Variants in PDE3A observed in about 807,000 individuals in gnomAD.
PDE3A encodes the protein phosphodiesterase 3A, also known as cGMP-inhibited 3',5'-cyclic phosphodiesterase 3A.
A neutral mutation model predicts 98.3 loss-of-function variants in PDE3A; 43 were observed. The observed-to-expected ratio is 0.44, with a 90% CI of 0.34 to 0.56. The LOEUF is 0.56. PDE3A is among the 20% of genes least tolerant of loss of function. PDE3A has a pLI of 0.01. For missense variants in PDE3A, 1,427 were observed against 1,440.7 expected (o/e 0.99, Z 0.15); for synonymous variants, 663 against 567.9 (o/e 1.17, Z -2.38).
chr12:20,512,483 T>C (rs1946245357), intron 1 of PDE3A, among the ~76,000 whole-genome samples: 1 of 152,120 alleles, frequency 6.6e-6, no homozygotes, highest in Non-Finnish European at 1.5e-5. Context: ...GCTGATGGAG[T>C]AATATCTACT....
chr12:20,558,359 A>G (rs1443078719), intron 2 of PDE3A, among the ~76,000 whole-genome samples: 2 of 152,138 alleles, frequency 1.3e-5, no homozygotes, highest in African/African-American at 2.4e-5. Context: ...AAATTTGATT[A>G]TATTTGAAAG....
intron 1 of PDE3A, among the ~76,000 whole-genome samples, chr12:20,437,564 G>A (rs1009226975): frequency 2.0e-4 from 30 of 152,150 alleles, no homozygotes; most frequent in African/African-American, 6.5e-4. Flanking sequence ...AGGGAAGCAG[G>A]AGCAGGTGTG....
At chr12:20,651,343 C>G (rs961825946) in intron 14 of PDE3A, among the ~76,000 whole-genome samples, 1 of 151,834 alleles carries the variant, frequency 6.6e-6, no homozygotes, top group African/African-American at 2.4e-5. Context: ...GCATAAAGGA[C>G]AGGAATAAGT....
intron 14 of PDE3A, among the ~76,000 whole-genome samples, chr12:20,652,683 G>A (rs1350911337): frequency 6.6e-6 from 1 of 152,064 alleles, no homozygotes. Context: ...TTTGTCAGAT[G>A]AGTAGGTTGC....
intron 2 of PDE3A, among the ~76,000 whole-genome samples, chr12:20,588,043 T>G (rs919158348): frequency 6.6e-6 from 1 of 152,216 alleles, no homozygotes; most frequent in African/African-American, 2.4e-5. Context: ...GCTACTTTGC[T>G]CCTTTCCTTC....
chr12:20,412,109 C>T (rs1018401021), intron 1 of PDE3A, among the ~76,000 whole-genome samples: 5 of 152,076 alleles, frequency 3.3e-5, no homozygotes, highest in African/African-American at 1.2e-4. Context: ...CTTAGTTACA[C>T]GTGTAATTTT....
At chr12:20,616,111 T>G (rs2121463842) in intron 3 of PDE3A, 119 bp from the exon 4 acceptor site, 1 of 873,420 alleles carries the variant, frequency 1.1e-6, no homozygotes, top group South Asian at 2.1e-5. Flanking sequence ...TAGGTGATAT[T>G]AAACCAATGT....
At chr12:20,379,578 C>T (rs1001253105) in intron 1 of PDE3A, among the ~76,000 whole-genome samples, 3 of 151,660 alleles carry the variant, frequency 2.0e-5, no homozygotes, top group Middle Eastern at 3.2e-3. Flanking sequence ...AATTCTGGCC[C>T]AGTGTCTTGC....
At chr12:20,530,453 A>G (rs1241910303) in intron 1 of PDE3A, among the ~76,000 whole-genome samples, 1 of 151,792 alleles carries the variant, frequency 6.6e-6, no homozygotes, top group African/African-American at 2.4e-5. Flanking sequence ...AGAATTGACT[A>G]TGAGTCTGTG....
chr12:20,456,240 G>A (rs1393970886), intron 1 of PDE3A, among the ~76,000 whole-genome samples: 1 of 152,092 alleles, frequency 6.6e-6, no homozygotes, highest in Non-Finnish European at 1.5e-5. Flanking sequence ...ACAGGAACAA[G>A]TCAGATAGCT....
At chr12:20,392,518 AATAAATAAATAAATAC>A (rs768764065) in intron 1 of PDE3A, among the ~76,000 whole-genome samples, 929 of 73,936 alleles carry the variant, frequency 0.013, 21 homozygotes, top group Middle Eastern at 0.027. Flanking sequence ...TAAATAAATA[AATAAATAAATAAATAC>A]ATAAATAAAT....
intron 1 of PDE3A, among the ~76,000 whole-genome samples, chr12:20,404,376 G>A (rs1267044619): frequency 6.6e-6 from 1 of 151,918 alleles, no homozygotes; most frequent in African/African-American, 2.4e-5. Context: ...ATTGGGTCCT[G>A]GACTTAATAA....
At chr12:20,544,580 G>A (rs548510480) in intron 1 of PDE3A, among the ~76,000 whole-genome samples, 4 of 151,912 alleles carry the variant, frequency 2.6e-5, no homozygotes, top group African/African-American at 9.6e-5. Context: ...ACTTCAGTAC[G>A]AAGGACCTGA....
intron 1 of PDE3A, among the ~76,000 whole-genome samples, chr12:20,507,798 C>T (rs1402422922): frequency 2.0e-5 from 3 of 152,244 alleles, no homozygotes; most frequent in South Asian, 2.1e-4. Context: ...TTCTCACCAT[C>T]TCTGCTGCTA....
At chr12:20,472,369 G>A (rs1267778570) in intron 1 of PDE3A, among the ~76,000 whole-genome samples, 1 of 152,160 alleles carries the variant, frequency 6.6e-6, no homozygotes, top group Non-Finnish European at 1.5e-5. Context: ...ATTTTATGGA[G>A]AGTTAGCTTT....
intron 13 of PDE3A, among the ~76,000 whole-genome samples, chr12:20,649,097 T>C (rs1349667065): frequency 8.7e-6 from 1 of 114,404 alleles, no homozygotes; most frequent in East Asian, 2.9e-4. Flanking sequence ...GCCTAATTTT[T>C]GTATTTTTTT....
intron 1 of PDE3A, among the ~76,000 whole-genome samples, chr12:20,535,480 A>G (rs1282674717): frequency 6.6e-6 from 1 of 152,190 alleles, no homozygotes; most frequent in Non-Finnish European, 1.5e-5. Context: ...TCCACGGAGT[A>G]AAAGCACTCT....
chr12:20,618,063 G>A (rs902366054), intron 4 of PDE3A, among the ~76,000 whole-genome samples: 10 of 152,202 alleles, frequency 6.6e-5, no homozygotes, highest in Admixed American at 2.6e-4. Context: ...ACTCGTAGAT[G>A]TCTTGTCTGG....
intron 15 of PDE3A, among the ~76,000 whole-genome samples, chr12:20,671,583 A>G (rs1945483458): frequency 1.3e-5 from 2 of 151,506 alleles, no homozygotes; most frequent in Admixed American, 1.3e-4. Context: ...ATATAAACAG[A>G]GCCAAAGACA....
Sources: gnomAD v4.1 joint callset for allele counts (sites outside exome capture counted in the v4.1 genomes callset) on GRCh38, gnomAD v4.1.1 for gene constraint, MANE v1.5 for transcripts, NCBI Gene and HGNC (gene_info 2026-07-23, HGNC 2026-07-21) for gene names.